Variants in CACNA1E observed in about 807,000 individuals in gnomAD.
CACNA1E encodes calcium voltage-gated channel subunit alpha1 E.
CACNA1E carries 40 observed loss-of-function variants against 259.2 expected under a neutral mutation model. The ratio of observed to expected loss-of-function variants is 0.15; its 90% CI spans 0.12 to 0.20. CACNA1E has a LOEUF of 0.20. CACNA1E is among the 10% of genes least tolerant of loss of function. The pLI is 1.00. For synonymous variants in CACNA1E, 1,104 were observed against 1,138.5 expected (o/e 0.97, Z 0.61); for missense variants, 1,874 against 3,040.1 (o/e 0.62, Z 9.02).
At chr1:181,461,754 C>T (rs1424973634) in intron 2 of CACNA1E, among the ~76,000 whole-genome samples, 5 of 151,610 alleles carry the variant, frequency 3.3e-5, no homozygotes, top group South Asian at 2.1e-4. Context: ...TCATATGAAT[C>T]TCAGGCCCAT....
intron 7 of CACNA1E, among the ~76,000 whole-genome samples, chr1:181,686,335 G>A (rs1369617713): frequency 7.7e-6 from 1 of 129,648 alleles, no homozygotes; most frequent in African/African-American, 2.9e-5. Flanking sequence ...TGCCCAGGCT[G>A]GAGTGCAATG....
intron 7 of CACNA1E, among the ~76,000 whole-genome samples, chr1:181,687,347 C>A (rs1321775300): frequency 2.0e-5 from 3 of 152,176 alleles, no homozygotes; most frequent in Admixed American, 2.0e-4. Context: ...AAGTTTCATA[C>A]CCCCACTTGG....
chr1:181,377,961 A>G (rs1355427664), intron 1 of CACNA1E, among the ~76,000 whole-genome samples: 3 of 152,242 alleles, frequency 2.0e-5, no homozygotes, highest in Non-Finnish European at 4.4e-5. Context: ...ACATATAGAC[A>G]TAAATAAAAT....
chr1:181,692,476 T>C (rs1360227403), intron 7 of CACNA1E, among the ~76,000 whole-genome samples: 1 of 151,792 alleles, frequency 6.6e-6, no homozygotes, highest in Non-Finnish European at 1.5e-5. Flanking sequence ...TGAAACAGAA[T>C]AGGGAACCCA....
At chr1:181,580,939 A>T (rs915116448) in intron 6 of CACNA1E, among the ~76,000 whole-genome samples, 163 bp downstream of exon 6, 1 of 152,192 alleles carries the variant, frequency 6.6e-6, no homozygotes, top group Non-Finnish European at 1.5e-5. Flanking sequence ...AGCAGTTCAT[A>T]ACCCTCTTTT....
At chr1:181,727,727 G>A (rs150792065) in intron 18 of CACNA1E, among the ~76,000 whole-genome samples, 2 of 152,316 alleles carry the variant, frequency 1.3e-5, no homozygotes, top group Admixed American at 1.3e-4. Flanking sequence ...AGGACTGTGT[G>A]AGTGGTGAGT....
chr1:181,394,740 G>A (rs763151808), intron 1 of CACNA1E, among the ~76,000 whole-genome samples: 6 of 152,288 alleles, frequency 3.9e-5, no homozygotes, highest in Admixed American at 1.3e-4. Flanking sequence ...AGAAGATGAC[G>A]GACTTAGCCA....
intron 1 of CACNA1E, among the ~76,000 whole-genome samples, chr1:181,339,988 C>CTCTTTATTATTGTG (rs1252181125): frequency 6.6e-6 from 1 of 151,092 alleles, no homozygotes; most frequent in East Asian, 1.9e-4. Context: ...ATGTATCAGT[C>CTCTTTATTATTGTG]TCTTTATTAT....
At chr1:181,322,766 A>G (rs1375122233) in intron 1 of CACNA1E, among the ~76,000 whole-genome samples, 2 of 152,232 alleles carry the variant, frequency 1.3e-5, no homozygotes, top group African/African-American at 4.8e-5. Context: ...CTTTGTAACT[A>G]TGTGGATGAC....
At chr1:181,541,631 C>T (rs1668590881) in intron 3 of CACNA1E, among the ~76,000 whole-genome samples, 1 of 152,214 alleles carries the variant, frequency 6.6e-6, no homozygotes, top group Admixed American at 6.5e-5. Context: ...TGCTTAGCAG[C>T]AGCTGCTAAA....
intron 1 of CACNA1E, among the ~76,000 whole-genome samples, chr1:181,489,954 C>T (rs527327359): frequency 5.3e-5 from 8 of 152,234 alleles, no homozygotes; most frequent in South Asian, 2.1e-4. Flanking sequence ...AGAGGATGCA[C>T]GTGTGGGTTC....
At chr1:181,511,267 C>A (rs1172097093) in intron 2 of CACNA1E, 104 bp from the exon 3 acceptor site, 5 of 1,355,872 alleles carry the variant, frequency 3.7e-6, no homozygotes, top group Admixed American at 3.6e-5. Context: ...TACACATGGG[C>A]AGGCCCAGCA....
chr1:181,480,238 G>C (rs951039904), upstream of CACNA1E, among the ~76,000 whole-genome samples: 4 of 152,332 alleles, frequency 2.6e-5, no homozygotes, highest in East Asian at 7.7e-4. Context: ...ACAGCCAGGT[G>C]GGGGTGGAAG....
intron 1 of CACNA1E, among the ~76,000 whole-genome samples, chr1:181,330,869 T>C (rs1048563284): frequency 6.6e-6 from 1 of 152,194 alleles, no homozygotes; most frequent in Non-Finnish European, 1.5e-5. Context: ...TCACAGGATT[T>C]GTGTAAAGAT....
intron 7 of CACNA1E, among the ~76,000 whole-genome samples, chr1:181,668,224 A>G (rs770767432): frequency 6.6e-5 from 10 of 152,248 alleles, no homozygotes; most frequent in Non-Finnish European, 1.0e-4. Flanking sequence ...AGAATGTTAA[A>G]TAAATGGAAT....
chr1:181,481,370 A>T (rs76009231), upstream of CACNA1E, among the ~76,000 whole-genome samples: 565 of 146,788 alleles, frequency 3.8e-3, 5 homozygotes, highest in East Asian at 0.043. Flanking sequence ...ACACACACAC[A>T]CTCTCACATA....
intron 3 of CACNA1E, among the ~76,000 whole-genome samples, chr1:181,531,973 T>A (rs1343927033): frequency 6.6e-6 from 1 of 152,208 alleles, no homozygotes; most frequent in Non-Finnish European, 1.5e-5. Context: ...GTAGAATCAC[T>A]TGAACCTGTG....
At chr1:181,328,826 C>T (rs559866478) in intron 1 of CACNA1E, among the ~76,000 whole-genome samples, 13 of 152,286 alleles carry the variant, frequency 8.5e-5, no homozygotes, top group East Asian at 3.9e-4. Context: ...GAGGCCCTCA[C>T]GCCAAAGTTG....
In CACNA1E at chr1:181,711,663, A is replaced by G. The variant is rs149676002; in HGVS notation, c.1171+594A>G. Reference sequence around the variant, plus strand: ...TTAAATAGGAGGTCAGGGTGGGCCCATTGGTGTGTAGACTTGAAGAAATGA... The same window carrying G: ...TTAAATAGGAGGTCAGGGTGGGCCCGTTGGTGTGTAGACTTGAAGAAATGA... On this transcript the variant is annotated intron_variant, in intron 8 of 47. Transcript: ENST00000367573. 3.8e-3 allele frequency among the ~76,000 whole-genome samples: 575 copies of G among 152,322 alleles called. 1 individual carries two copies. The highest frequency in any genetic ancestry group is 0.013 in the African/African-American group (552 of 41,576).
Sources: gnomAD v4.1 joint callset for allele counts (sites outside exome capture counted in the v4.1 genomes callset) on GRCh38, gnomAD v4.1.1 for gene constraint, MANE v1.5 for transcripts, NCBI Gene and HGNC (gene_info 2026-07-23, HGNC 2026-07-21) for gene names.